Variants in LINGO2 observed in about 807,000 individuals in gnomAD.
The protein encoded by LINGO2 is leucine-rich repeat and immunoglobulin-like domain-containing nogo receptor-interacting protein 2.
Under a neutral mutation model 30.6 loss-of-function variants are expected in LINGO2, and 14 were observed. The ratio of observed to expected loss-of-function variants is 0.46; its 90% CI spans 0.30 to 0.72. The LOEUF (loss-of-function observed/expected upper bound fraction) is 0.72. LINGO2 is among the 30% of genes least tolerant of loss of function. LINGO2 has a pLI of 0.07. For missense variants in LINGO2, 729 were observed against 751.7 expected (o/e 0.97, Z 0.35); for synonymous variants, 317 against 288.5 (o/e 1.10, Z -1.00).
intron 1 of LINGO2, among the ~76,000 whole-genome samples, chr9:28,604,779 A>G (rs1231409627): frequency 6.6e-6 from 1 of 152,028 alleles, no homozygotes; most frequent in Non-Finnish European, 1.5e-5. Context: ...TGTCATATTT[A>G]CAATTGAAAT....
chr9:28,637,026 A>G (rs1468464708), intron 1 of LINGO2, among the ~76,000 whole-genome samples: 2 of 152,180 alleles, frequency 1.3e-5, no homozygotes, highest in Non-Finnish European at 2.9e-5. Context: ...ATCCAGTTTC[A>G]GCTTTCTACA....
At chr9:28,486,667 A>C (rs1564234051) in intron 1 of LINGO2, among the ~76,000 whole-genome samples, 1 of 152,054 alleles carries the variant, frequency 6.6e-6, no homozygotes, top group East Asian at 1.9e-4. Context: ...TATAATGAAT[A>C]GTGCTCTCGT....
Position 28,012,771 on chromosome 9 carries a change from T to C in LINGO2, c.-86-366A>G, listed in dbSNP as rs181978248. Reference sequence around the variant, plus strand: ...CACCTCCCTGGGCAACTCCCACTTATAGCCCCAAGGAGCCTACTTTCTTTT... The same window carrying C: ...CACCTCCCTGGGCAACTCCCACTTACAGCCCCAAGGAGCCTACTTTCTTTT... On this transcript the variant is annotated intron_variant, in intron 4 of 5. Transcript: ENST00000379992. Among the ~76,000 whole-genome samples the C allele has an allele frequency of 1.9e-3, 285 of 152,308 alleles. 1 individual carries two copies. The highest frequency in any genetic ancestry group is 5.6e-3 in the Admixed American group (85 of 15,290).
intron 1 of LINGO2, among the ~76,000 whole-genome samples, chr9:28,508,419 G>A (rs1227364933): frequency 1.3e-5 from 2 of 152,012 alleles, no homozygotes; most frequent in East Asian, 3.9e-4. Context: ...ATACTAAAGG[G>A]AAATTGTAGA....
At chr9:28,031,237 C>T (rs73441767) in intron 4 of LINGO2, among the ~76,000 whole-genome samples, 22,424 of 151,770 alleles carry the variant, frequency 0.15, 1,773 homozygotes, top group South Asian at 0.26. Context: ...AAGTGGTGGG[C>T]TTGTGTTAGC....
the LINGO2 span, among the ~76,000 whole-genome samples, chr9:28,737,339 ACAAGGAG>A: frequency 6.6e-6 from 1 of 152,202 alleles, no homozygotes; most frequent in African/African-American, 2.4e-5. Flanking sequence ...AGAGAACATA[ACAAGGAG>A]CAAAAACAAG....
chr9:28,466,172 A>G (rs1587711718), intron 2 of LINGO2, among the ~76,000 whole-genome samples: 2 of 152,206 alleles, frequency 1.3e-5, no homozygotes, highest in Non-Finnish European at 2.9e-5. Context: ...TCCTATGTTT[A>G]TTGCAGCACT....
At chr9:28,137,839 A>G (rs1192651132) in intron 4 of LINGO2, among the ~76,000 whole-genome samples, 1 of 152,126 alleles carries the variant, frequency 6.6e-6, no homozygotes, top group Non-Finnish European at 1.5e-5. Context: ...CTTTAGTTCT[A>G]TGAGGTAAGA....
chr9:28,554,984 C>T (rs1223129999), intron 1 of LINGO2, among the ~76,000 whole-genome samples: 20 of 131,628 alleles, frequency 1.5e-4, no homozygotes, highest in Middle Eastern at 7.6e-3. Context: ...ATCTCTGGGA[C>T]GCATTCAAAG....
chr9:29,096,391 T>C, the LINGO2 span, among the ~76,000 whole-genome samples: 1 of 139,886 alleles, frequency 7.1e-6, no homozygotes, highest in Non-Finnish European at 1.6e-5. Context: ...GCTCAAGCGA[T>C]TCTCATGCCT....
the LINGO2 span, among the ~76,000 whole-genome samples, chr9:29,138,541 T>C: frequency 1.3e-5 from 2 of 152,176 alleles, no homozygotes; most frequent in Non-Finnish European, 2.9e-5. Flanking sequence ...ATTTATCAAA[T>C]ACTGTGTATG....
chr9:28,752,313 C>A, the LINGO2 span, among the ~76,000 whole-genome samples: 1 of 151,928 alleles, frequency 6.6e-6, no homozygotes, highest in South Asian at 2.1e-4. Context: ...ATCTTAGATA[C>A]CATGCACTGT....
At chr9:29,173,703 A>AAAATTAATT in the LINGO2 span, among the ~76,000 whole-genome samples, 1 of 152,158 alleles carries the variant, frequency 6.6e-6, no homozygotes, top group African/African-American at 2.4e-5. Flanking sequence ...AAGTGTCATG[A>AAAATTAATT]AGAAAGAATG....
intron 2 of LINGO2, among the ~76,000 whole-genome samples, chr9:28,470,585 G>A (rs1825480096): frequency 1.3e-5 from 2 of 152,060 alleles, no homozygotes. Context: ...GCCATCCCTA[G>A]TTTCAAATGG....
chr9:28,461,723 A>G (rs960330039), intron 2 of LINGO2, among the ~76,000 whole-genome samples: 3 of 152,090 alleles, frequency 2.0e-5, no homozygotes, highest in African/African-American at 7.2e-5. Context: ...AGTTTCTGAG[A>G]GTCTAATATG....
the LINGO2 span, among the ~76,000 whole-genome samples, chr9:29,191,280 G>A: frequency 6.6e-6 from 1 of 152,034 alleles, no homozygotes; most frequent in Non-Finnish European, 1.5e-5. Context: ...TATGACTTTG[G>A]TATATACAAG....
chr9:28,500,471 T>C (rs1819840127), intron 1 of LINGO2, among the ~76,000 whole-genome samples: 1 of 152,106 alleles, frequency 6.6e-6, no homozygotes, highest in African/African-American at 2.4e-5. Context: ...AAACATATTT[T>C]TGTGAAAAAA....
At chr9:28,382,806 G>A (rs1180917860) in intron 2 of LINGO2, among the ~76,000 whole-genome samples, 2 of 151,942 alleles carry the variant, frequency 1.3e-5, no homozygotes, top group Non-Finnish European at 2.9e-5. Flanking sequence ...TGTAAAATGG[G>A]GATAGTAATA....
the LINGO2 span, among the ~76,000 whole-genome samples, chr9:28,819,765 A>G: frequency 6.6e-6 from 1 of 152,190 alleles, no homozygotes; most frequent in African/African-American, 2.4e-5. Context: ...CTGACCATTA[A>G]GTCAGTGTCC....
Sources: allele counts gnomAD v4.1 joint callset (sites outside exome capture counted in the v4.1 genomes callset), GRCh38; gene constraint gnomAD v4.1.1; transcripts MANE v1.5; gene names NCBI Gene and HGNC (gene_info 2026-07-23, HGNC 2026-07-21).